The following NBDY variants were observed in gnomAD, a reference collection of about 807,000 sequenced individuals.
NBDY encodes P-body dissociating protein.
intron 2 of NBDY, among the ~76,000 whole-genome samples, chrX:56,740,102 A>C (rs925612071): frequency 2.7e-5 from 3 of 111,718 alleles, no homozygotes; most frequent in African/African-American, 9.7e-5. Context: ...TGCCCATTCA[A>C]GTTGGCTCCC....
intron 2 of NBDY, among the ~76,000 whole-genome samples, chrX:56,805,994 C>T (rs1253980907): frequency 5.4e-5 from 6 of 110,460 alleles, no homozygotes; most frequent in Admixed American, 9.6e-5. Flanking sequence ...TGACAGGCCC[C>T]GGTGTGTGAT....
intron 2 of NBDY, among the ~76,000 whole-genome samples, chrX:56,744,155 A>T (rs2069545163): frequency 9.0e-6 from 1 of 111,325 alleles, no homozygotes; most frequent in African/African-American, 3.3e-5. Flanking sequence ...TTCTATTTTT[A>T]TTCCATTGTG....
chrX:56,804,661 G>T (rs1393016643), intron 2 of NBDY, among the ~76,000 whole-genome samples: 1 of 112,074 alleles, frequency 8.9e-6, no homozygotes, highest in Non-Finnish European at 1.9e-5. Flanking sequence ...CTGTTCCTTG[G>T]TTTGATACCG....
At chrX:56,740,132 A>G (rs1367401506) in intron 2 of NBDY, among the ~76,000 whole-genome samples, 3 of 111,793 alleles carry the variant, frequency 2.7e-5, no homozygotes, top group African/African-American at 9.7e-5. Flanking sequence ...GACATGTGTC[A>G]TCATTCTTAA....
chrX:56,790,809 A>G (rs1419837746), intron 2 of NBDY, among the ~76,000 whole-genome samples: 1 of 112,401 alleles, frequency 8.9e-6, no homozygotes, highest in African/African-American at 3.2e-5. Context: ...GGCAACTCTT[A>G]AGGGGCAGTT....
chrX:56,784,121 ATGCAGGC>A (rs1193994157), intron 2 of NBDY, among the ~76,000 whole-genome samples: 1 of 112,142 alleles, frequency 8.9e-6, no homozygotes, highest in Non-Finnish European at 1.9e-5. Flanking sequence ...GTGGCCCTGC[ATGCAGGC>A]TGCTGCAGAT....
chrX:56,756,211 C>T (rs765915617), intron 2 of NBDY, among the ~76,000 whole-genome samples: 7 of 107,284 alleles, frequency 6.5e-5, no homozygotes, highest in African/African-American at 2.4e-4. Flanking sequence ...TTAATGGGTG[C>T]AGCACACCAG....
rs923768884 is a variant in NBDY at position 56,811,713 on chromosome X, G to A, written c.*167-5607G>A. ...GGGCTCCATGGGGTTGGGACCCGCC[G>A]AGCCAGACCGGTTGGCCCCCTGGCT... On this transcript the variant is annotated intron_variant, in intron 2 of 2. Coordinates refer to ENST00000374922, the MANE Select transcript of NBDY (RefSeq NM_001348129.2). 5.4e-5 allele frequency among the ~76,000 whole-genome samples: 6 copies of A among 112,014 alleles called. No individual in the cohort carries two copies. The East Asian group carries it at 8.4e-4, about 16-fold the overall frequency.
intron 2 of NBDY, among the ~76,000 whole-genome samples, chrX:56,782,537 A>G (rs1233749168): frequency 8.9e-6 from 1 of 111,915 alleles, no homozygotes; most frequent in Admixed American, 9.5e-5. Flanking sequence ...GAAGGTCACC[A>G]GTTTAGTCTC....
chrX:56,765,206 G>C (rs2069659602), intron 2 of NBDY, among the ~76,000 whole-genome samples: 1 of 112,144 alleles, frequency 8.9e-6, no homozygotes, highest in African/African-American at 3.2e-5. Context: ...ACCCCTGCGA[G>C]GAGAAATTGG....
chrX:56,795,826 G>A (rs1178217420), intron 2 of NBDY, among the ~76,000 whole-genome samples: 2 of 112,705 alleles, frequency 1.8e-5, no homozygotes, highest in Admixed American at 9.3e-5. Flanking sequence ...TAGGGAAAAC[G>A]CGAGAATAAA....
chrX:56,767,575 C>G (rs752847472), intron 2 of NBDY, among the ~76,000 whole-genome samples: 1 of 113,348 alleles, frequency 8.8e-6, no homozygotes, highest in African/African-American at 3.2e-5. Flanking sequence ...TCGGCGGGCC[C>G]CGCACTCCGA....
At chrX:56,790,293 G>A (rs1392100004) in intron 2 of NBDY, among the ~76,000 whole-genome samples, 1 of 112,311 alleles carries the variant, frequency 8.9e-6, no homozygotes, top group South Asian at 3.7e-4. Flanking sequence ...AATCTTCCTG[G>A]ATGTGTAGAC....
intron 2 of NBDY, among the ~76,000 whole-genome samples, chrX:56,742,715 T>C (rs2069537499): frequency 1.8e-5 from 2 of 111,961 alleles, no homozygotes; most frequent in African/African-American, 3.2e-5. Context: ...TCAGTTCTTA[T>C]AGTTTTTGTG....
intron 2 of NBDY, among the ~76,000 whole-genome samples, chrX:56,739,242 A>ATATATATATATATATATATATGTATG (rs1347718417): frequency 5.1e-5 from 4 of 77,915 alleles, no homozygotes; most frequent in African/African-American, 2.2e-4. Context: ...GTGTGTGTAT[A>ATATATATATATATATATATATGTATG]TATATATATA....
At chrX:56,755,062 G>A (rs920449222) in intron 2 of NBDY, among the ~76,000 whole-genome samples, 1 of 111,562 alleles carries the variant, frequency 9.0e-6, no homozygotes, top group East Asian at 2.8e-4. Flanking sequence ...TTTAATAAAT[G>A]GTGCTGGGAA....
intron 2 of NBDY, among the ~76,000 whole-genome samples, chrX:56,740,756 A>G (rs1393543001): frequency 9.0e-6 from 1 of 110,886 alleles, no homozygotes; most frequent in Admixed American, 9.6e-5. Context: ...GGTACCTAGT[A>G]GTTGTATACA....
At chrX:56,758,189 C>A in intron 2 of NBDY, among the ~76,000 whole-genome samples, 1 of 110,102 alleles carries the variant, frequency 9.1e-6, no homozygotes, top group South Asian at 3.9e-4. Context: ...CAAAAATTAG[C>A]ATGTAATCTC....
Position 56,766,023 on chromosome X carries a change from A to G in NBDY, c.*166+33824A>G, listed in dbSNP as rs146592499. On this transcript the variant is annotated intron_variant, in intron 2 of 2. Transcript: ENST00000374922. ...GAGCACAGATGAAGGTCATGAGTTT[A>G]GTCCCTCTGGTCCACCAAAAGGCTA... Among the ~76,000 whole-genome samples, 41 of 111,491 alleles carry G rather than the reference A, an allele frequency of 3.7e-4. No individual in the cohort carries two copies. The East Asian group carries it at 9.9e-3, about 27-fold the overall frequency.
Sources: allele counts gnomAD v4.1 joint callset (sites outside exome capture counted in the v4.1 genomes callset), GRCh38; gene constraint gnomAD v4.1.1; transcripts MANE v1.5; gene names NCBI Gene and HGNC (gene_info 2026-07-23, HGNC 2026-07-21).